The following MACROD1 variants were observed in gnomAD, a reference collection of about 807,000 sequenced individuals.
MACROD1 encodes the protein mono-ADP ribosylhydrolase 1.
In MACROD1, 31 loss-of-function variants were observed where a neutral mutation model predicts 41.4. The ratio of observed to expected loss-of-function variants is 0.75; its 90% CI spans 0.56 to 1.01. The LOEUF (loss-of-function observed/expected upper bound fraction) is 1.01, where lower values mean the gene tolerates loss of function less well. Ranked by LOEUF, MACROD1 falls within the 50% of genes least tolerant of loss-of-function variation. The pLI, the probability that MACROD1 is intolerant of heterozygous loss-of-function variation, is 0.00. For synonymous variants in MACROD1, 252 were observed against 203.4 expected (o/e 1.24, Z -2.03); for missense variants, 473 against 460.0 (o/e 1.03, Z -0.26).
intron 3 of MACROD1, among the ~76,000 whole-genome samples, chr11:64,132,721 T>A (rs1399695201): frequency 1.3e-5 from 2 of 152,102 alleles, no homozygotes; most frequent in African/African-American, 4.8e-5. Context: ...CATGTGACCA[T>A]CCAGATCTGT....
chr11:64,105,749 T>G (rs992642914), intron 3 of MACROD1, among the ~76,000 whole-genome samples: 1 of 152,124 alleles, frequency 6.6e-6, no homozygotes, highest in Non-Finnish European at 1.5e-5. Flanking sequence ...ATCCTCCCTG[T>G]GCCAAACCCC....
At chr11:64,103,022 G>T (rs551975549) in intron 3 of MACROD1, among the ~76,000 whole-genome samples, 206 of 151,800 alleles carry the variant, frequency 1.4e-3, no homozygotes, top group African/African-American at 4.6e-3. Flanking sequence ...AGTGAGCCGA[G>T]ATTGTGCCAC....
At chr11:64,051,501 C>A (rs76077089) in intron 3 of MACROD1, among the ~76,000 whole-genome samples, 1,591 of 152,270 alleles carry the variant, frequency 0.01, 23 homozygotes, top group African/African-American at 0.036. Context: ...TCGGAAGCCT[C>A]GCTCCTGGCT....
intron 3 of MACROD1, among the ~76,000 whole-genome samples, chr11:64,032,251 T>C (rs1943304695): frequency 6.6e-6 from 1 of 152,238 alleles, no homozygotes; most frequent in Non-Finnish European, 1.5e-5. Context: ...GTGAGTCATA[T>C]TGTATACTTT....
chr11:64,086,042 G>A (rs910038593), intron 3 of MACROD1, among the ~76,000 whole-genome samples: 2 of 152,204 alleles, frequency 1.3e-5, no homozygotes, highest in African/African-American at 4.8e-5. Flanking sequence ...GCCACAGCCT[G>A]TCCCTGCCCT....
intron 3 of MACROD1, among the ~76,000 whole-genome samples, chr11:64,129,265 G>A (rs934690029): frequency 3.3e-5 from 5 of 152,314 alleles, no homozygotes; most frequent in East Asian, 3.9e-4. Flanking sequence ...CATGGGCTCC[G>A]CCAGTTACCA....
chr11:64,056,579 C>T (rs1449690123), intron 3 of MACROD1, among the ~76,000 whole-genome samples: 7 of 152,186 alleles, frequency 4.6e-5, no homozygotes, highest in African/African-American at 7.2e-5. Flanking sequence ...CCAAAGGCTG[C>T]GGCCAGGGTG....
chr11:64,143,753 T>TACAC (rs55995667), intron 3 of MACROD1, among the ~76,000 whole-genome samples: 11,958 of 101,368 alleles, frequency 0.12, 935 homozygotes, highest in Middle Eastern at 0.19. Context: ...GACACACACA[T>TACAC]ACACACACAC....
chr11:64,026,845 C>A (rs1329138389), intron 3 of MACROD1, among the ~76,000 whole-genome samples: 3 of 152,192 alleles, frequency 2.0e-5, no homozygotes, highest in African/African-American at 7.2e-5. Context: ...CCTTCTTATC[C>A]TTCAGGACTC....
intron 3 of MACROD1, among the ~76,000 whole-genome samples, chr11:64,100,362 G>A (rs891024015): frequency 2.6e-5 from 4 of 152,224 alleles, no homozygotes; most frequent in Non-Finnish European, 4.4e-5. Flanking sequence ...AGAAAATTGT[G>A]TAAGCATCTC....
chr11:64,112,807 G>T (rs1253284807), intron 3 of MACROD1, among the ~76,000 whole-genome samples: 1 of 152,202 alleles, frequency 6.6e-6, no homozygotes, highest in Non-Finnish European at 1.5e-5. Flanking sequence ...TGCCACATAG[G>T]ATTGCACAGG....
At chr11:64,131,498 T>C (rs933310802) in intron 3 of MACROD1, among the ~76,000 whole-genome samples, 1 of 152,192 alleles carries the variant, frequency 6.6e-6, no homozygotes, top group African/African-American at 2.4e-5. Context: ...AGCTAATTTT[T>C]GTATTTTTAC....
intron 3 of MACROD1, among the ~76,000 whole-genome samples, chr11:64,034,630 G>T (rs1187790918): frequency 6.6e-6 from 1 of 152,198 alleles, no homozygotes; most frequent in Non-Finnish European, 1.5e-5. Flanking sequence ...GGGAAAGGAG[G>T]GGGAGAGGTG....
In MACROD1 at chr11:64,008,077, G is replaced by T. The variant is rs182471035; in HGVS notation, c.547+7175C>A. ...GCAGGGCGCGGAGCGCTTGTGAGCC[G>T]GGCAGGAGTCGAGCGCTGAATACTT... On this transcript the variant is annotated intron_variant, in intron 4 of 10. Transcript: ENST00000255681. Among the ~76,000 whole-genome samples the T allele has an allele frequency of 1.3e-3, 201 of 152,342 alleles. 2 individuals are homozygous for T. The highest frequency in any genetic ancestry group is 3.9e-3 in the African/African-American group (163 of 41,592).
intron 3 of MACROD1, among the ~76,000 whole-genome samples, chr11:64,083,987 T>C (rs1444176922): frequency 8.0e-6 from 1 of 125,070 alleles, no homozygotes; most frequent in Non-Finnish European, 1.7e-5. Context: ...TTTACACAAC[T>C]GGAACACGTG....
chr11:64,093,954 A>G (rs1368450225), intron 3 of MACROD1, among the ~76,000 whole-genome samples: 1 of 152,236 alleles, frequency 6.6e-6, no homozygotes, highest in Non-Finnish European at 1.5e-5. Context: ...AGCAGAGGAT[A>G]GCTGGCTGAT....
intron 3 of MACROD1, among the ~76,000 whole-genome samples, chr11:64,071,399 AAACT>A (rs1944105121): frequency 6.6e-6 from 1 of 152,124 alleles, no homozygotes; most frequent in African/African-American, 2.4e-5. Context: ...TGAATGAATG[AAACT>A]CACGGATGGA....
At chr11:64,062,556 A>G (rs1309993676) in intron 3 of MACROD1, among the ~76,000 whole-genome samples, 6 of 152,170 alleles carry the variant, frequency 3.9e-5, no homozygotes, top group Non-Finnish European at 8.8e-5. Flanking sequence ...ACTCTTGTAC[A>G]AGCTCGGTCT....
rs145611067 is a variant in MACROD1, at chr11:64,130,820, C to T, written c.517+20419G>A. 8.1e-4 allele frequency among the ~76,000 whole-genome samples: 124 copies of T among 152,330 alleles called. 1 individual carries two copies. Among genetic ancestry groups the T allele is most frequent in the African/African-American group, 2.9e-3 (119 of 41,574 alleles). On this transcript the variant is annotated intron_variant, in intron 3 of 10. Coordinates refer to ENST00000255681, the MANE Select transcript of MACROD1 (RefSeq NM_014067.4). ...CCTCCTGCGGCAAAGTAAACAGGCT[C>T]TCTGGAGTGCTAACTGACAGCACAA...
Sources: gnomAD v4.1 joint callset for allele counts (sites outside exome capture counted in the v4.1 genomes callset) on GRCh38, gnomAD v4.1.1 for gene constraint, MANE v1.5 for transcripts, NCBI Gene and HGNC (gene_info 2026-07-23, HGNC 2026-07-21) for gene names.